FHIT: variants seen among roughly 807,000 people sequenced by gnomAD.
The protein encoded by FHIT is bis(5'-adenosyl)-triphosphatase.
Under a neutral mutation model 17.9 loss-of-function variants are expected in FHIT, and 19 were observed. The ratio of observed to expected loss-of-function variants is 1.06; its 90% CI spans 0.74 to 1.56. The LOEUF (loss-of-function observed/expected upper bound fraction) is 1.56, where lower values mean the gene tolerates loss of function less well. Among genes scored for constraint, FHIT ranks in the 40% most tolerant of loss-of-function variants. FHIT has a pLI of 0.00. For missense variants in FHIT, 248 were observed against 189.2 expected, an observed-to-expected ratio of 1.31 and a Z score of -1.82; for synonymous variants, 81 against 69.7, an observed-to-expected ratio of 1.16 and a Z score of -0.81.
chr3:60,186,661 T>C (rs1451632616), intron 5 of FHIT, among the ~76,000 whole-genome samples: 1 of 152,062 alleles, frequency 6.6e-6, no homozygotes, highest in Non-Finnish European at 1.5e-5. Flanking sequence ...CCTCTGTGAG[T>C]ATAGACGGGC....
At chr3:60,433,403 G>C (rs1047741989) in intron 5 of FHIT, among the ~76,000 whole-genome samples, 1 of 152,024 alleles carries the variant, frequency 6.6e-6, no homozygotes, top group Non-Finnish European at 1.5e-5. Flanking sequence ...TATCCTTTGA[G>C]ATACTGATTT....
At chr3:60,544,961 G>A (rs2036312928) in intron 4 of FHIT, among the ~76,000 whole-genome samples, 1 of 152,124 alleles carries the variant, frequency 6.6e-6, no homozygotes. Context: ...TTGTTCCAAA[G>A]AGAGTTTATT....
At chr3:60,545,399 T>C (rs1006009925) in intron 4 of FHIT, among the ~76,000 whole-genome samples, 1 of 152,186 alleles carries the variant, frequency 6.6e-6, no homozygotes, top group African/African-American at 2.4e-5. Context: ...CTTTATTGTT[T>C]CTTTGGATTT....
At chr3:60,761,021 C>A (rs2108053080) in intron 4 of FHIT, among the ~76,000 whole-genome samples, 1 of 152,256 alleles carries the variant, frequency 6.6e-6, no homozygotes, top group South Asian at 2.1e-4. Context: ...CTTTTAATAG[C>A]TTTCTTATAA....
chr3:60,778,678 T>C (rs1553725055), intron 4 of FHIT, among the ~76,000 whole-genome samples: 1 of 151,934 alleles, frequency 6.6e-6, no homozygotes, highest in Admixed American at 6.6e-5. Flanking sequence ...TTGGAAACTA[T>C]CTGTGAATAT....
At chr3:60,443,586 C>T (rs2031087308) in intron 5 of FHIT, among the ~76,000 whole-genome samples, 1 of 152,094 alleles carries the variant, frequency 6.6e-6, no homozygotes, top group South Asian at 2.1e-4. Context: ...TATTGATTTG[C>T]ATATGTTGAA....
chr3:60,185,098 T>C (rs920031196), intron 5 of FHIT, among the ~76,000 whole-genome samples: 1 of 152,206 alleles, frequency 6.6e-6, no homozygotes, highest in Non-Finnish European at 1.5e-5. Flanking sequence ...TTTCTTTTAT[T>C]GGGAAATGGA....
chr3:60,228,512 A>C (rs1344641723), intron 5 of FHIT, among the ~76,000 whole-genome samples: 1 of 152,206 alleles, frequency 6.6e-6, no homozygotes, highest in Non-Finnish European at 1.5e-5. Flanking sequence ...ATTTAAAAAA[A>C]TAAAACACAC....
At chr3:60,700,542 G>C (rs903799379) in intron 4 of FHIT, among the ~76,000 whole-genome samples, 1 of 146,782 alleles carries the variant, frequency 6.8e-6, no homozygotes, top group Non-Finnish European at 1.5e-5. Flanking sequence ...TATTTGTCTT[G>C]ATTTTTTTTT....
At chr3:60,403,703 G>A (rs891270037) in intron 5 of FHIT, among the ~76,000 whole-genome samples, 1 of 152,030 alleles carries the variant, frequency 6.6e-6, no homozygotes, top group Non-Finnish European at 1.5e-5. Context: ...CACCTTGCTG[G>A]GTTTTCTCAG....
At chr3:60,299,320 T>G (rs976993034) in intron 5 of FHIT, among the ~76,000 whole-genome samples, 2 of 152,182 alleles carry the variant, frequency 1.3e-5, no homozygotes, top group African/African-American at 4.8e-5. Flanking sequence ...GTTAAGAAAT[T>G]TTGACATCTC....
intron 5 of FHIT, among the ~76,000 whole-genome samples, chr3:60,429,671 A>G (rs76336759): frequency 6.6e-6 from 1 of 152,040 alleles, no homozygotes; most frequent in East Asian, 1.9e-4. Flanking sequence ...CATAAACCCA[A>G]TGTGGTTGGG....
chr3:60,099,693 T>A (rs1704111522), intron 5 of FHIT, among the ~76,000 whole-genome samples: 1 of 152,216 alleles, frequency 6.6e-6, no homozygotes, highest in Non-Finnish European at 1.5e-5. Flanking sequence ...CAAATACAGA[T>A]GGTCCCTAAC....
chr3:61,206,568 CT>C (rs2039240372), intron 1 of FHIT, among the ~76,000 whole-genome samples: 1 of 151,830 alleles, frequency 6.6e-6, no homozygotes, highest in Admixed American at 6.6e-5. Flanking sequence ...GTATTTTATT[CT>C]CTTTGAAGCA....
intron 2 of FHIT, among the ~76,000 whole-genome samples, chr3:61,199,819 T>C (rs542463253): frequency 4.6e-5 from 7 of 152,288 alleles, no homozygotes; most frequent in East Asian, 1.9e-4. Flanking sequence ...AATTATAGCA[T>C]ATTTCACCCT....
intron 5 of FHIT, among the ~76,000 whole-genome samples, chr3:60,292,942 T>C (rs991875366): frequency 7.2e-5 from 11 of 152,160 alleles, no homozygotes; most frequent in Admixed American, 4.6e-4. Flanking sequence ...TAAGCATGCC[T>C]AAATATATTA....
At chr3:60,865,865 T>C (rs543556107) in intron 3 of FHIT, among the ~76,000 whole-genome samples, 1 of 152,294 alleles carries the variant, frequency 6.6e-6, no homozygotes, top group African/African-American at 2.4e-5. Flanking sequence ...GTAGAGTATG[T>C]AGACAAGACA....
intron 3 of FHIT, among the ~76,000 whole-genome samples, chr3:61,005,448 T>C (rs1427664842): frequency 6.6e-6 from 1 of 152,072 alleles, no homozygotes; most frequent in Non-Finnish European, 1.5e-5. Context: ...ATGGTGATGG[T>C]GATGGTGACA....
At chr3:60,126,967 C>A (rs968321063) in intron 5 of FHIT, among the ~76,000 whole-genome samples, 1 of 152,148 alleles carries the variant, frequency 6.6e-6, no homozygotes, top group African/African-American at 2.4e-5. Flanking sequence ...CCATCTCTGC[C>A]ATTTTTCCTG....
Sources: allele counts gnomAD v4.1 joint callset (sites outside exome capture counted in the v4.1 genomes callset), GRCh38; gene constraint gnomAD v4.1.1; transcripts MANE v1.5; gene names NCBI Gene and HGNC (gene_info 2026-07-23, HGNC 2026-07-21).